UAP1: variants seen among roughly 807,000 people sequenced by gnomAD.
UAP1 encodes the protein UDP-N-acetylhexosamine pyrophosphorylase.
A neutral mutation model predicts 58.5 loss-of-function variants in UAP1; 25 were observed. The ratio of observed to expected loss-of-function variants is 0.43; its 90% CI spans 0.31 to 0.60. UAP1 has a LOEUF of 0.60. Ranked by LOEUF, UAP1 falls within the 20% of genes least tolerant of loss-of-function variation. The pLI is 0.11. For synonymous variants in UAP1, 208 were observed against 213.0 expected (o/e 0.98, Z 0.21); for missense variants, 575 against 630.0 (o/e 0.91, Z 0.93).
At chr1:162,582,946 C>T (rs1303377249) in intron 5 of UAP1, among the ~76,000 whole-genome samples, 1 of 150,290 alleles carries the variant, frequency 6.7e-6, no homozygotes, top group Admixed American at 6.7e-5. Context: ...TTTAAGACTT[C>T]TATCTGTTCC....
At chr1:162,575,997 C>T (rs77248996) in intron 2 of UAP1, among the ~76,000 whole-genome samples, 1 of 152,098 alleles carries the variant, frequency 6.6e-6, no homozygotes, top group Non-Finnish European at 1.5e-5. Flanking sequence ...CAAATGTATA[C>T]TCACGTAGCT....
chr1:162,586,718 T>A (rs186794053), intron 5 of UAP1, among the ~76,000 whole-genome samples: 33 of 152,312 alleles, frequency 2.2e-4, no homozygotes, highest in Non-Finnish European at 4.3e-4. Context: ...TTTTAAAAAT[T>A]ACATATTCTT....
chr1:162,579,460 C>G (rs1475430489), exon 4 of UAP1: 1 of 1,600,698 alleles, frequency 6.2e-7, no homozygotes, highest in Non-Finnish European at 8.5e-7. Flanking sequence ...ACAATGGAAT[C>G]TACAAAGGAG....
At chr1:162,579,307 G>T in intron 3 of UAP1, 121 bp from the exon 4 acceptor site, 2 of 664,594 alleles carry the variant, frequency 3.0e-6, no homozygotes, top group Non-Finnish European at 4.5e-6. Context: ...AAATATGAAG[G>T]AAGTCAAAAT....
At chr1:162,590,553 G>T in intron 8 of UAP1, 42 bp downstream of exon 8, 3 of 1,507,010 alleles carry the variant, frequency 2.0e-6, no homozygotes, top group Admixed American at 2.1e-5. Flanking sequence ...TCCTTTCTTG[G>T]ACTTTTCCTC....
chr1:162,595,183 TTC>T (rs1467789221), intron 9 of UAP1, among the ~76,000 whole-genome samples: 8 of 152,210 alleles, frequency 5.3e-5, no homozygotes, highest in African/African-American at 1.9e-4. Flanking sequence ...TGATGGTAGC[TTC>T]TGTTTTCCCT....
chr1:162,590,463 G>C, exon 8 of UAP1: 1 of 1,608,602 alleles, frequency 6.2e-7, no homozygotes, highest in Non-Finnish European at 8.5e-7. Flanking sequence ...CTCAATGCAG[G>C]GGGCCATTTC....
Position 162,578,050 on chromosome 1 carries a change from C to T in UAP1, c.485+1069C>T, listed in dbSNP as rs534405300. 3.3e-5 allele frequency among the ~76,000 whole-genome samples: 5 copies of T among 152,116 alleles called. No homozygotes were observed. In the South Asian group the frequency reaches 1.0e-3, roughly 32 times the overall value. On this transcript the variant is annotated intron_variant, in intron 3 of 10. Coordinates refer to ENST00000271469, the Ensembl canonical transcript of UAP1. ...CCAGCCAGTGTTAGTTTCCTAAGGA[C>T]CAAGAGATTACAGAAGATCCTGCTC...
At chr1:162,591,429 G>C (rs537487063) in intron 8 of UAP1, among the ~76,000 whole-genome samples, 5 of 152,078 alleles carry the variant, frequency 3.3e-5, no homozygotes, top group Non-Finnish European at 7.4e-5. Context: ...AAAAAAGAAG[G>C]TATTGTAGTT....
chr1:162,564,087 G>A (rs1479909701), intron 1 of UAP1, among the ~76,000 whole-genome samples: 3 of 152,118 alleles, frequency 2.0e-5, no homozygotes, highest in African/African-American at 7.2e-5. Flanking sequence ...CCTCTCAAGT[G>A]TCTTTTTTAA....
rs552111616 is a variant in UAP1 at position 162,598,590 on chromosome 1, A to G, written c.1477-681A>G. On this transcript the variant is annotated intron_variant, in intron 10 of 10. Transcript: ENST00000271469. ...TCTTTCAAGGATTCTAGTTTGTTCAAGTACTTAGTACTGTCACTTTTAAAA... is the reference window on the plus strand; with the variant it reads ...TCTTTCAAGGATTCTAGTTTGTTCAGGTACTTAGTACTGTCACTTTTAAAA... Among the ~76,000 whole-genome samples, 24 of 152,314 alleles carry G rather than the reference A, an allele frequency of 1.6e-4. No individual in the cohort carries two copies. The South Asian group carries it at 2.3e-3, about 14-fold the overall frequency.
At chr1:162,587,666 C>T (rs772933296) in exon 6 of UAP1, 3 of 1,610,002 alleles carry the variant, frequency 1.9e-6, no homozygotes, top group East Asian at 4.5e-5. Context: ...GAGATGTTGT[C>T]AAGTATGGGC....
intron 5 of UAP1, among the ~76,000 whole-genome samples, chr1:162,583,399 C>T (rs1476011908): frequency 2.6e-5 from 4 of 152,144 alleles, no homozygotes; most frequent in Middle Eastern, 6.8e-3. Flanking sequence ...ATGATCCACA[C>T]ACCTCAGCCT....
At chr1:162,585,498 A>G (rs926396680) in intron 5 of UAP1, among the ~76,000 whole-genome samples, 2 of 151,844 alleles carry the variant, frequency 1.3e-5, no homozygotes, top group African/African-American at 4.8e-5. Context: ...CTGACCTCAG[A>G]TGATACACCC....
chr1:162,580,220 T>C (rs963731171), intron 4 of UAP1, among the ~76,000 whole-genome samples: 1 of 152,218 alleles, frequency 6.6e-6, no homozygotes, highest in Non-Finnish European at 1.5e-5. Flanking sequence ...TTGTTTATTA[T>C]AGTGAAAACT....
At chr1:162,570,883 C>G (rs781660897) in intron 2 of UAP1, among the ~76,000 whole-genome samples, 11 of 152,114 alleles carry the variant, frequency 7.2e-5, no homozygotes, top group Middle Eastern at 3.2e-3. Flanking sequence ...AGGACCTGTG[C>G]TATCTTCCTT....
At chr1:162,597,653 T>A in intron 9 of UAP1, 139 bp from the exon 10 acceptor site, 1 of 626,180 alleles carries the variant, frequency 1.6e-6, no homozygotes, top group Non-Finnish European at 2.8e-6. Context: ...TTAGTGATCA[T>A]CAGGGTAGCA....
At chr1:162,574,083 CTTTTCTTTTCTTT>C (rs1654026905) in intron 2 of UAP1, among the ~76,000 whole-genome samples, 1 of 146,806 alleles carries the variant, frequency 6.8e-6, no homozygotes, top group African/African-American at 2.5e-5. Context: ...TTATTTTTTT[CTTTTCTTTTCTTT>C]TTTTTTTTTT....
At chr1:162,575,879 C>T (rs981985316) in intron 2 of UAP1, among the ~76,000 whole-genome samples, 2 of 152,010 alleles carry the variant, frequency 1.3e-5, no homozygotes, top group Admixed American at 6.6e-5. Context: ...AGACAGGTTT[C>T]GCTATGTTGG....
Sources: allele counts gnomAD v4.1 joint callset (sites outside exome capture counted in the v4.1 genomes callset), GRCh38; gene constraint gnomAD v4.1.1; transcripts MANE v1.5; gene names NCBI Gene and HGNC (gene_info 2026-07-23, HGNC 2026-07-21).